Variants in USP48 observed in about 807,000 individuals in gnomAD.
USP48 encodes the protein ubiquitin carboxyl-terminal hydrolase 48.
Under a neutral mutation model 150.7 loss-of-function variants are expected in USP48, and 43 were observed. That is an observed-to-expected ratio of 0.29 (90% CI 0.22 to 0.37). The LOEUF is 0.37. USP48 is among the 10% of genes least tolerant of loss of function. The pLI, the probability that USP48 is intolerant of heterozygous loss-of-function variation, is 1.00. For synonymous variants in USP48, 396 were observed against 425.9 expected (o/e 0.93, Z 0.86); for missense variants, 813 against 1,249.6 (o/e 0.65, Z 5.27).
chr1:21,751,022 A>G (rs333193), intron 6 of USP48, among the ~76,000 whole-genome samples: 11,620 of 152,300 alleles, frequency 0.076, 502 homozygotes, highest in Middle Eastern at 0.11. Context: ...TGTCTATTAC[A>G]CTATGTATAC....
At chr1:21,705,976 T>C in intron 18 of USP48, 139 bp from the exon 19 acceptor site, 1 of 951,736 alleles carries the variant, frequency 1.1e-6, no homozygotes, top group Admixed American at 5.2e-5. Flanking sequence ...GCTTATTCAT[T>C]TAATTAATAG....
At chr1:21,770,270 T>C (rs1007888702) in intron 1 of USP48, among the ~76,000 whole-genome samples, 4 of 151,928 alleles carry the variant, frequency 2.6e-5, no homozygotes, top group Non-Finnish European at 5.9e-5. Context: ...GGAATGACAA[T>C]GTATGAATAT....
At chr1:21,772,653 G>A (rs1179886108) in intron 1 of USP48, among the ~76,000 whole-genome samples, 1 of 151,392 alleles carries the variant, frequency 6.6e-6, no homozygotes, top group African/African-American at 2.4e-5. Flanking sequence ...CAGGCGTGGT[G>A]GCTCGCGCCT....
Position 21,721,714 on chromosome 1 carries a change from G to A in USP48, c.1699C>T (p.Leu567=), listed in dbSNP as rs768507622. 2 of 1,608,702 alleles carry A rather than the reference G, an allele frequency of 1.2e-6. No individual in the cohort carries two copies. Among genetic ancestry groups the A allele is most frequent in the South Asian group, 1.1e-5 (1 of 90,244 alleles). ...CVVERCRILR[L]KNQLNEDYKT... is the part of the protein sequence containing the mutation. ...TAATCTTCATTTAGTTGGTTCTTCA[G>A]ACGCAATATGCGACAACGTTCTACT... Residue 567 remains leucine (L), a synonymous_variant, in exon 13 of 27, where the codon CTG becomes TTG. Coordinates refer to ENST00000308271, the MANE Select transcript of USP48 (RefSeq NM_032236.8).
chr1:21,764,969 G>A (rs1201704721), intron 1 of USP48, among the ~76,000 whole-genome samples: 1 of 152,160 alleles, frequency 6.6e-6, no homozygotes, highest in African/African-American at 2.4e-5. Flanking sequence ...AGCTGTGCCA[G>A]AAGTAGTACA....
At chr1:21,771,273 C>G (rs2097879523) in intron 1 of USP48, among the ~76,000 whole-genome samples, 1 of 151,662 alleles carries the variant, frequency 6.6e-6, no homozygotes. Context: ...ACTTGGGAGG[C>G]TGAGGCAGGA....
At chr1:21,735,627 G>A (rs901304469) in intron 9 of USP48, among the ~76,000 whole-genome samples, 1 of 152,152 alleles carries the variant, frequency 6.6e-6, no homozygotes, top group Non-Finnish European at 1.5e-5. Context: ...AGTGGCTTAC[G>A]CCTGTAATCC....
At chr1:21,780,019 T>C (rs2097910607) in intron 1 of USP48, among the ~76,000 whole-genome samples, 1 of 152,176 alleles carries the variant, frequency 6.6e-6, no homozygotes, top group Admixed American at 6.5e-5. Context: ...TCGGTTAAGT[T>C]AAACACAGAA....
intron 1 of USP48, among the ~76,000 whole-genome samples, chr1:21,765,935 A>G (rs1385893230): frequency 7.6e-6 from 1 of 131,400 alleles, no homozygotes; most frequent in African/African-American, 2.8e-5. Flanking sequence ...AAAAAAAAAA[A>G]AAGGCAATTC....
At chr1:21,690,748 C>T (rs2097596240) in intron 23 of USP48, among the ~76,000 whole-genome samples, 2 of 151,912 alleles carry the variant, frequency 1.3e-5, no homozygotes, top group Admixed American at 6.6e-5. Flanking sequence ...AGGCTGGTCT[C>T]GAATTCTTAG....
chr1:21,712,646 T>C (rs537192391), intron 15 of USP48, among the ~76,000 whole-genome samples: 32 of 138,826 alleles, frequency 2.3e-4, no homozygotes, highest in African/African-American at 7.7e-4. Context: ...TTTTTTTTTT[T>C]GAGACAGGGT....
chr1:21,722,974 G>C (rs1447375887), intron 12 of USP48, among the ~76,000 whole-genome samples: 1 of 152,192 alleles, frequency 6.6e-6, no homozygotes, highest in Admixed American at 6.5e-5. Flanking sequence ...CTTAATTACA[G>C]AAAAAGTGTA....
Position 21,782,992 on chromosome 1 carries a change from C to T in USP48, c.-35G>A, listed in dbSNP as rs1163329440. 7 of 1,486,390 alleles carry T rather than the reference C, an allele frequency of 4.7e-6. No individual in the cohort carries two copies. The South Asian group carries it at 9.2e-5, about 20-fold the overall frequency. The allele number at this position is 1,486,390 out of a possible 1,614,324, so 92.1% of individuals were successfully genotyped here. ...CCCAGGAACGCCTCCCGAGCCAGAC[C>T]GCCGCAGCCGCCGCCGCGGTCTGCA... On this transcript the variant is annotated 5_prime_UTR_variant, in exon 1 of 27. Transcript: ENST00000308271.
At chr1:21,687,324 A>G in intron 24 of USP48, 85 bp from the exon 25 acceptor site, 2 of 1,276,206 alleles carry the variant, frequency 1.6e-6, no homozygotes, top group Non-Finnish European at 2.2e-6. Context: ...AACTACTGAT[A>G]TTGCTATAAG....
chr1:21,782,787 C>T, intron 1 of USP48, 37 bp downstream of exon 1: 4 of 1,501,130 alleles, frequency 2.7e-6, no homozygotes, highest in South Asian at 2.5e-5. Flanking sequence ...CAAGGTCCGG[C>T]GCGAGGAGCC....
intron 1 of USP48, among the ~76,000 whole-genome samples, chr1:21,762,338 C>G (rs1385664756): frequency 1.3e-5 from 2 of 151,950 alleles, no homozygotes; most frequent in Non-Finnish European, 2.9e-5. Context: ...CTCCTGGGAA[C>G]AGTGACAAGG....
intron 8 of USP48, among the ~76,000 whole-genome samples, chr1:21,746,578 A>G (rs2097795047): frequency 6.6e-6 from 1 of 152,216 alleles, no homozygotes; most frequent in African/African-American, 2.4e-5. Flanking sequence ...AGAAAAAAGC[A>G]GTACTTATTT....
intron 26 of USP48, among the ~76,000 whole-genome samples, chr1:21,680,258 C>T (rs2097562171): frequency 6.6e-6 from 1 of 152,240 alleles, no homozygotes; most frequent in South Asian, 2.1e-4. Flanking sequence ...CGTCAGAGGT[C>T]TGTATTTGAT....
chr1:21,696,425 C>T (rs775799331), intron 22 of USP48, among the ~76,000 whole-genome samples: 3 of 152,032 alleles, frequency 2.0e-5, no homozygotes, highest in Non-Finnish European at 4.4e-5. Context: ...GCAACAAGAG[C>T]GAAACTCTGT....
Sources: gnomAD v4.1 joint callset for allele counts (sites outside exome capture counted in the v4.1 genomes callset) on GRCh38, gnomAD v4.1.1 for gene constraint, MANE v1.5 for transcripts, NCBI Gene and HGNC (gene_info 2026-07-23, HGNC 2026-07-21) for gene names.